PHACTR1: variants seen among roughly 807,000 people sequenced by gnomAD.
PHACTR1 encodes phosphatase and actin regulator 1.
In PHACTR1, 16 loss-of-function variants were observed where a neutral mutation model predicts 69.2. The observed-to-expected ratio is 0.23, with a 90% CI of 0.16 to 0.35. The LOEUF (loss-of-function observed/expected upper bound fraction) is 0.35, where lower values mean the gene tolerates loss of function less well. Ranked by LOEUF, PHACTR1 falls within the 10% of genes least tolerant of loss-of-function variation. The pLI is 1.00. For synonymous variants in PHACTR1, 312 were observed against 284.5 expected, an observed-to-expected ratio of 1.10 and a Z score of -0.97; for missense variants, 510 against 734.7, an observed-to-expected ratio of 0.69 and a Z score of 3.54.
intron 4 of PHACTR1, among the ~76,000 whole-genome samples, chr6:13,040,069 T>C (rs1803911899): frequency 6.6e-6 from 1 of 152,246 alleles, no homozygotes; most frequent in Non-Finnish European, 1.5e-5. Context: ...CTTTGCATCT[T>C]AGGATTTTAA....
chr6:12,992,002 T>C (rs935262391), intron 4 of PHACTR1, among the ~76,000 whole-genome samples: 2 of 152,080 alleles, frequency 1.3e-5, no homozygotes, highest in African/African-American at 4.8e-5. Context: ...TCTGCTATTT[T>C]CTAGCACCCC....
At chr6:12,963,484 G>A (rs150637935) in intron 4 of PHACTR1, among the ~76,000 whole-genome samples, 2 of 152,002 alleles carry the variant, frequency 1.3e-5, no homozygotes, top group Middle Eastern at 3.4e-3. Flanking sequence ...ACTGACGATG[G>A]TGAAAAAAAT....
intron 4 of PHACTR1, chr6:12,934,013 G>T: frequency 6.8e-7 from 1 of 1,476,146 alleles, no homozygotes; most frequent in South Asian, 1.4e-5. Context: ...ATATCAATTT[G>T]CTCTCTGATG....
chr6:13,194,170 C>A (rs986280976), intron 7 of PHACTR1, among the ~76,000 whole-genome samples: 11 of 152,118 alleles, frequency 7.2e-5, no homozygotes, highest in Admixed American at 2.6e-4. Flanking sequence ...TTTGGGAGGC[C>A]AAGGTGGGCA....
At chr6:13,027,252 T>C (rs953494088) in intron 4 of PHACTR1, among the ~76,000 whole-genome samples, 1 of 152,226 alleles carries the variant, frequency 6.6e-6, no homozygotes, top group Non-Finnish European at 1.5e-5. Flanking sequence ...GGGTTTTTTC[T>C]TTCTTTGTCC....
chr6:13,023,703 T>C (rs13218974), intron 4 of PHACTR1, among the ~76,000 whole-genome samples: 25,232 of 152,192 alleles, frequency 0.17, 2,605 homozygotes, highest in South Asian at 0.26. Context: ...GCTCCCTGTC[T>C]ATGAGCAGAA....
intron 6 of PHACTR1, among the ~76,000 whole-genome samples, chr6:13,160,788 A>C (rs1248232784): frequency 6.6e-6 from 1 of 152,232 alleles, no homozygotes; most frequent in Non-Finnish European, 1.5e-5. Context: ...CTGTACATTT[A>C]AGATATTGGA....
At chr6:13,024,979 A>G (rs115100445) in intron 4 of PHACTR1, among the ~76,000 whole-genome samples, 5,735 of 152,216 alleles carry the variant, frequency 0.038, 182 homozygotes, top group Admixed American at 0.083. Flanking sequence ...TCTAGAGGGC[A>G]AAAGAAGGAG....
At chr6:13,114,010 T>A (rs1817438930) in intron 5 of PHACTR1, among the ~76,000 whole-genome samples, 2 of 151,958 alleles carry the variant, frequency 1.3e-5, no homozygotes, top group South Asian at 4.2e-4. Context: ...AACATAAAGG[T>A]CTGCAAAAAT....
chr6:13,281,569 T>C (rs991233140), intron 12 of PHACTR1: 5 of 187,334 alleles, frequency 2.7e-5, no homozygotes, highest in Non-Finnish European at 5.8e-5. Flanking sequence ...AAAAGAAAAA[T>C]GAAGAAAAGA....
At chr6:12,785,698 A>G (rs1771459606) in intron 4 of PHACTR1, among the ~76,000 whole-genome samples, 1 of 152,238 alleles carries the variant, frequency 6.6e-6, no homozygotes, top group South Asian at 2.1e-4. Flanking sequence ...CCGATCTCCC[A>G]GGTAAAAGGT....
At chr6:13,277,778 A>C (rs1317352172) in intron 11 of PHACTR1, among the ~76,000 whole-genome samples, 2 of 152,074 alleles carry the variant, frequency 1.3e-5, no homozygotes. Flanking sequence ...TGAGACCCCC[A>C]TCTCAACAAA....
At chr6:13,190,546 C>T (rs964341302) in intron 7 of PHACTR1, among the ~76,000 whole-genome samples, 1 of 152,048 alleles carries the variant, frequency 6.6e-6, no homozygotes, top group Admixed American at 6.5e-5. Context: ...TAGTCATATA[C>T]TCAAGGCACT....
At chr6:12,830,105 G>GAA (rs1168605379) in intron 4 of PHACTR1, among the ~76,000 whole-genome samples, 7 of 27,026 alleles carry the variant, frequency 2.6e-4, no homozygotes, top group Middle Eastern at 0.019. Context: ...AAGAAAGAAA[G>GAA]AAAGAAAGAA....
At chr6:12,780,137 T>G (rs1321652486) in intron 4 of PHACTR1, among the ~76,000 whole-genome samples, 3 of 152,158 alleles carry the variant, frequency 2.0e-5, no homozygotes, top group African/African-American at 7.2e-5. Flanking sequence ...TGATTATATT[T>G]TAGTATTATT....
chr6:12,768,336 A>G (rs963028281), intron 4 of PHACTR1, among the ~76,000 whole-genome samples: 5 of 151,964 alleles, frequency 3.3e-5, no homozygotes, highest in Non-Finnish European at 4.4e-5. Context: ...GGATGCTCTC[A>G]ATCTCCTGAC....
chr6:12,860,796 T>A (rs1396848910), intron 4 of PHACTR1, among the ~76,000 whole-genome samples: 1 of 152,244 alleles, frequency 6.6e-6, no homozygotes, highest in African/African-American at 2.4e-5. Context: ...AAATGTCTTC[T>A]TTTGAAAAGT....
chr6:13,181,342 G>C (rs1482570758), intron 6 of PHACTR1, among the ~76,000 whole-genome samples: 1 of 152,194 alleles, frequency 6.6e-6, no homozygotes, highest in African/African-American at 2.4e-5. Context: ...TTTTCTACGA[G>C]TTGTCATCTT....
At chr6:13,270,525 A>C (rs1777488973) in intron 10 of PHACTR1, among the ~76,000 whole-genome samples, 1 of 152,170 alleles carries the variant, frequency 6.6e-6, no homozygotes, top group Admixed American at 6.5e-5. Context: ...CAAGTAACAA[A>C]ATACACTCCT....
Sources: allele counts gnomAD v4.1 joint callset (sites outside exome capture counted in the v4.1 genomes callset), GRCh38; gene constraint gnomAD v4.1.1; transcripts MANE v1.5; gene names NCBI Gene and HGNC (gene_info 2026-07-23, HGNC 2026-07-21).